Variants in MOB3B observed in about 807,000 individuals in gnomAD.
MOB3B encodes MOB kinase activator 3B, also known as MOB kinase activator-like 2B.
Under a neutral mutation model 18.7 loss-of-function variants are expected in MOB3B, and 7 were observed. That is an observed-to-expected ratio of 0.37 (90% CI 0.21 to 0.70). The LOEUF (loss-of-function observed/expected upper bound fraction) is 0.70, where lower values mean the gene tolerates loss of function less well. Ranked by LOEUF, MOB3B falls within the 30% of genes least tolerant of loss-of-function variation. MOB3B has a pLI of 0.52. For synonymous variants in MOB3B, 111 were observed against 99.9 expected (o/e 1.11, Z -0.66); for missense variants, 253 against 281.3 (o/e 0.90, Z 0.72).
intron 1 of MOB3B, among the ~76,000 whole-genome samples, chr9:27,493,559 T>A (rs1359033215): frequency 1.3e-5 from 2 of 152,058 alleles, no homozygotes; most frequent in African/African-American, 4.8e-5. Flanking sequence ...GAGAATGGCG[T>A]GAACCTGGGA....
At chr9:27,488,175 TATC>T (rs1715605024) in intron 1 of MOB3B, among the ~76,000 whole-genome samples, 1 of 152,174 alleles carries the variant, frequency 6.6e-6, no homozygotes, top group Non-Finnish European at 1.5e-5. Flanking sequence ...TATTATGTTG[TATC>T]CATGGGAGGC....
chr9:27,431,941 A>T (rs1822423914), intron 2 of MOB3B, among the ~76,000 whole-genome samples: 1 of 152,164 alleles, frequency 6.6e-6, no homozygotes, highest in African/African-American at 2.4e-5. Flanking sequence ...CTCCCCCAAC[A>T]CCTCTAGCAT....
At chr9:27,483,169 G>T (rs1819687046) in intron 1 of MOB3B, among the ~76,000 whole-genome samples, 1 of 106,778 alleles carries the variant, frequency 9.4e-6, no homozygotes, top group Non-Finnish European at 1.7e-5. Context: ...GTCTTGCTCT[G>T]TCGCCCAGGC....
intron 3 of MOB3B, among the ~76,000 whole-genome samples, chr9:27,341,776 C>T (rs916882572): frequency 2.6e-5 from 4 of 152,142 alleles, no homozygotes; most frequent in African/African-American, 7.2e-5. Context: ...AGGTTAGTGA[C>T]TTGCCCAAGG....
chr9:27,465,294 G>A (rs1435229646), intron 1 of MOB3B, among the ~76,000 whole-genome samples: 3 of 152,190 alleles, frequency 2.0e-5, no homozygotes, highest in Non-Finnish European at 4.4e-5. Flanking sequence ...CAGCAGGGCA[G>A]TCAAATTTTA....
intron 2 of MOB3B, among the ~76,000 whole-genome samples, chr9:27,420,620 G>A (rs1164883878): frequency 2.6e-5 from 3 of 114,826 alleles, no homozygotes; most frequent in Non-Finnish European, 5.1e-5. Context: ...GCCATAAAAA[G>A]GAATGAATTA....
intron 2 of MOB3B, among the ~76,000 whole-genome samples, chr9:27,361,258 C>T (rs1027422979): frequency 2.0e-5 from 3 of 152,180 alleles, no homozygotes; most frequent in African/African-American, 4.8e-5. Flanking sequence ...GGGATTTGAA[C>T]CAAGTCCGCC....
chr9:27,431,412 C>G (rs1822416014), intron 2 of MOB3B, among the ~76,000 whole-genome samples: 1 of 152,208 alleles, frequency 6.6e-6, no homozygotes, highest in African/African-American at 2.4e-5. Context: ...GATGAATCTT[C>G]TTGGATATTT....
chr9:27,501,036 C>T (rs1376120813), intron 1 of MOB3B, among the ~76,000 whole-genome samples: 1 of 152,002 alleles, frequency 6.6e-6, no homozygotes, highest in African/African-American at 2.4e-5. Context: ...AACTGCAAAT[C>T]AAAACCACAA....
chr9:27,398,369 G>A (rs941155531), intron 2 of MOB3B, among the ~76,000 whole-genome samples: 1 of 152,134 alleles, frequency 6.6e-6, no homozygotes, highest in Non-Finnish European at 1.5e-5. Flanking sequence ...TGATAATTTA[G>A]GGCAAGTTAT....
intron 1 of MOB3B, among the ~76,000 whole-genome samples, chr9:27,504,777 T>G (rs1744490363): frequency 6.6e-6 from 1 of 152,172 alleles, no homozygotes; most frequent in Non-Finnish European, 1.5e-5. Context: ...TACCACAAAC[T>G]TAGTGGCTTC....
intron 1 of MOB3B, among the ~76,000 whole-genome samples, chr9:27,465,198 T>C (rs950995989): frequency 3.9e-5 from 6 of 152,220 alleles, no homozygotes; most frequent in African/African-American, 1.4e-4. Flanking sequence ...ACAATGTGCG[T>C]ACAGGTATTG....
rs58851638 is a variant in MOB3B at position 27,357,888 on chromosome 9, CAAAAAAAAAAAAAAA to C, written c.621+1131_621+1145del. Among the ~76,000 whole-genome samples the C allele has an allele frequency of 1.6e-3, 92 of 57,976 alleles. 2 individuals carry two copies. Among genetic ancestry groups the C allele is most frequent in the African/African-American group, 5.3e-3 (85 of 16,154 alleles). 38.0% of individuals were successfully genotyped at this position (57,976 alleles called of 152,430 possible). A position where few individuals can be genotyped will look rare whatever the true frequency, so the allele number is the denominator to read the frequency against. On this transcript the variant is annotated intron_variant, in intron 3 of 3. Transcript: ENST00000262244. ...TCAACATAATGAGATCCCATCGCTA[CAAAAAAAAAAAAAAA>C]AAAAAAAAAAAAAAAAAATAGCCAT...
intron 1 of MOB3B, among the ~76,000 whole-genome samples, chr9:27,478,810 GACACACACAC>G (rs34976107): frequency 1.6e-4 from 22 of 141,406 alleles, no homozygotes; most frequent in Admixed American, 2.8e-4. Flanking sequence ...GGATTAAAAA[GACACACACAC>G]ACACACACAC....
intron 1 of MOB3B, among the ~76,000 whole-genome samples, chr9:27,489,756 G>GTTTTTTTTTTTTTTTTTTTTTT (rs1587252823): frequency 2.7e-4 from 1 of 3,706 alleles, no homozygotes; most frequent in Admixed American, 2.8e-3. Flanking sequence ...TTTTTTTTTG[G>GTTTTTTTTTTTTTTTTTTTTTT]TCCAACAGGG....
intron 3 of MOB3B, among the ~76,000 whole-genome samples, chr9:27,339,048 G>A (rs1820904129): frequency 6.6e-6 from 1 of 152,120 alleles, no homozygotes; most frequent in African/African-American, 2.4e-5. Flanking sequence ...AGTGCTGCAA[G>A]TTAGGGATCC....
At chr9:27,481,187 C>CA (rs1203855902) in intron 1 of MOB3B, among the ~76,000 whole-genome samples, 2 of 151,990 alleles carry the variant, frequency 1.3e-5, no homozygotes, top group Non-Finnish European at 2.9e-5. Context: ...CATAAAAAGA[C>CA]AAAAAAGGCG....
chr9:27,529,719 G>A lies in MOB3B; in HGVS notation c.-363C>T. The A allele has an allele frequency of 2.0e-6, 2 of 985,426 alleles. No individual in the cohort carries two copies. Among genetic ancestry groups the A allele is most frequent in the Non-Finnish European group, 2.4e-6 (2 of 829,934 alleles). 61.0% of individuals were successfully genotyped at this position (985,426 alleles called of 1,614,324 possible). On this transcript the variant is annotated 5_prime_UTR_variant, in exon 1 of 4. Transcript: ENST00000262244. The stretch of plus-strand genomic sequence containing the variant: ...GCGAGGTCCCGGCGAGCCAACCGGC[G>A]GACGGGCGAGCGCCTGGCTCCAGCT...
intron 1 of MOB3B, among the ~76,000 whole-genome samples, chr9:27,501,644 A>G (rs754814173): frequency 6.6e-6 from 1 of 151,362 alleles, no homozygotes; most frequent in Non-Finnish European, 1.5e-5. Flanking sequence ...ATAAATAACT[A>G]ATGTAAATGA....
Sources: allele counts gnomAD v4.1 joint callset (sites outside exome capture counted in the v4.1 genomes callset), GRCh38; gene constraint gnomAD v4.1.1; transcripts MANE v1.5; gene names NCBI Gene and HGNC (gene_info 2026-07-23, HGNC 2026-07-21).